Variants in NR5A1 observed in about 807,000 individuals in gnomAD.
NR5A1 encodes the protein steroidogenic factor 1.
Under a neutral mutation model 42.7 loss-of-function variants are expected in NR5A1, and 6 were observed. That is an observed-to-expected ratio of 0.14 (90% CI 0.08 to 0.28). The LOEUF is 0.28. Ranked by LOEUF, NR5A1 falls within the 10% of genes least tolerant of loss-of-function variation. NR5A1 has a pLI of 1.00. For missense variants in NR5A1, 442 were observed against 626.4 expected (o/e 0.71, Z 3.14); for synonymous variants, 274 against 277.5 (o/e 0.99, Z 0.12).
Position 124,503,636 on chromosome 9 carries a change from G to A in NR5A1, c.-15-226C>T, listed in dbSNP as rs1024566109. Among the ~76,000 whole-genome samples, 1 of 152,130 alleles carries A rather than the reference G, an allele frequency of 6.6e-6. No homozygotes were observed. Among genetic ancestry groups the A allele is most frequent in the Non-Finnish European group, 1.5e-5 (1 of 67,998 alleles). On this transcript the variant is annotated intron_variant, in intron 1 of 6. Transcript: ENST00000373588. This position sits in a 1 kb window ranked among gnomAD's most constrained non-coding sequence, Gnocchi z 9.6. The stretch of plus-strand genomic sequence containing the variant: ...CAGGCCCCACGCTCCCGCCCCGTCC[G>A]GGGGGCTCCTCCCGCGCGGACCCCG...
intron 6 of NR5A1, among the ~76,000 whole-genome samples, chr9:124,483,740 C>A (rs375434951): frequency 4.6e-5 from 7 of 152,348 alleles, no homozygotes; most frequent in Non-Finnish European, 8.8e-5. Context: ...CAGCACCACG[C>A]CCACAGAGGC....
In NR5A1 at chr9:124,482,718, C is replaced by CCCA; in HGVS notation, c.*39_*40insTGG. 1.2e-6 allele frequency: 1 copy of CCCA among 855,294 alleles called. No individual in the cohort carries two copies. Among genetic ancestry groups the CCCA allele is most frequent in the Non-Finnish European group, 1.8e-6 (1 of 551,348 alleles). The allele number at this position is 855,294 out of a possible 1,614,324, so 53.0% of individuals were successfully genotyped here. ...TGCGGCCCCGCCCAGGCCCCGCCCCCAGTCCCGCCCCCAGTCCCGGCCCCG... is the reference window on the plus strand; with the variant it reads ...TGCGGCCCCGCCCAGGCCCCGCCCCCCCAAGTCCCGCCCCCAGTCCCGGCCCCG... On this transcript the variant is annotated 3_prime_UTR_variant, in exon 7 of 7. Coordinates refer to ENST00000373588, the MANE Select transcript of NR5A1 (RefSeq NM_004959.5).
At chr9:124,484,215 A>G (rs1338169416) in intron 6 of NR5A1, among the ~76,000 whole-genome samples, 2 of 152,128 alleles carry the variant, frequency 1.3e-5, no homozygotes, top group Non-Finnish European at 1.5e-5. Context: ...CAACTTCTAC[A>G]CCACCGTAAA....
At chr9:124,483,857 G>A (rs1832167539) in intron 6 of NR5A1, among the ~76,000 whole-genome samples, 1 of 152,188 alleles carries the variant, frequency 6.6e-6, no homozygotes, top group South Asian at 2.1e-4. Flanking sequence ...ATGACCAACA[G>A]ACAGGCTCCA....
chr9:124,502,266 TGCCGTTAA>T (rs1229862597), intron 3 of NR5A1, among the ~76,000 whole-genome samples: 1 of 152,180 alleles, frequency 6.6e-6, no homozygotes, highest in Non-Finnish European at 1.5e-5. Context: ...AGGAAGGCGC[TGCCGTTAA>T]GCCCATTTTT....
chr9:124,486,999 C>T (rs1832220737), intron 6 of NR5A1, among the ~76,000 whole-genome samples: 1 of 152,250 alleles, frequency 6.6e-6, no homozygotes, highest in South Asian at 2.1e-4. Context: ...CATCTGCATG[C>T]CCAGCTCTGG....
intron 6 of NR5A1, among the ~76,000 whole-genome samples, chr9:124,486,158 A>G (rs772002241): frequency 4.6e-5 from 7 of 152,090 alleles, no homozygotes; most frequent in Non-Finnish European, 8.8e-5. Context: ...CCCCACCCCC[A>G]GCAGTTCTAT....
chr9:124,500,105 G>A lies in NR5A1; in HGVS notation c.855C>T (p.Val285=). The A allele has an allele frequency of 1.2e-6, 2 of 1,613,114 alleles. No individual in the cohort carries two copies. The highest frequency in any genetic ancestry group is 1.7e-6 in the Non-Finnish European group (2 of 1,180,034). The change falls in exon 4 of 7, where the codon GTC becomes GTT. Residue 285 remains valine, a synonymous_variant. Coordinates refer to ENST00000373588, the MANE Select transcript of NR5A1 (RefSeq NM_004959.5). The surrounding 1 kb of genome is among the most constrained non-coding windows in gnomAD (Gnocchi z 6.9). ...SIVDWARRCM[V]FKELEVADQM... The stretch of plus-strand genomic sequence containing the variant: ...AGAGACTCACCTCCAGCTCCTTGAA[G>A]ACCATGCACCTGCGTGCCCAGTCCA...
rs1832140719 is a variant in NR5A1 at position 124,482,456 on chromosome 9, AGGAG to A, written c.*298_*301del. 2.3e-6 allele frequency: 1 copy of A among 436,190 alleles called. No individual in the cohort carries two copies. The highest frequency in any genetic ancestry group is 2.1e-5 in the South Asian group (1 of 48,440). 27.0% of individuals were successfully genotyped at this position (436,190 alleles called of 1,614,324 possible). On this transcript the variant is annotated 3_prime_UTR_variant, in exon 7 of 7. Transcript: ENST00000373588. Reference sequence around the variant, plus strand: ...CCCGGACCTGCAGGCTTCAGACTCCAGGAGAGAGAGCTGGGAGCAGGGAGGGGGC... The same window carrying A: ...CCCGGACCTGCAGGCTTCAGACTCCAAGAGAGCTGGGAGCAGGGAGGGGGC...
intron 6 of NR5A1, among the ~76,000 whole-genome samples, chr9:124,484,326 A>G (rs536780162): frequency 1.4e-4 from 21 of 152,220 alleles, no homozygotes; most frequent in Non-Finnish European, 2.1e-4. Flanking sequence ...CACCCCAAGG[A>G]GTCGTGTGCA....
rs1485722183 is a variant in NR5A1 at position 124,498,848 on chromosome 9, G to C, written c.870+1242C>G. ...GCCGTAGCCACCACCATCAATCCTC[G>C]ACTCCCAGATGGCCCAGGCCCCAGT... On this transcript the variant is annotated intron_variant, in intron 4 of 6. Transcript: ENST00000373588. The surrounding 1 kb of genome is among the most constrained non-coding windows in gnomAD (Gnocchi z 4.6). Among the ~76,000 whole-genome samples the C allele has an allele frequency of 6.6e-6, 1 of 152,154 alleles. No individual in the cohort carries two copies. Among genetic ancestry groups the C allele is most frequent in the Admixed American group, 6.5e-5 (1 of 15,282 alleles).
At chr9:124,489,121 T>C (rs1387003617) in intron 6 of NR5A1, among the ~76,000 whole-genome samples, 2 of 152,228 alleles carry the variant, frequency 1.3e-5, no homozygotes, top group Non-Finnish European at 2.9e-5. Context: ...CCGCCAGAGC[T>C]ATGCACAGGG....
chr9:124,482,433 C>G lies in NR5A1; in HGVS notation c.*325G>C, dbSNP rs893191829. The G allele has an allele frequency of 5.8e-5, 23 of 399,600 alleles. No individual in the cohort carries two copies. Among genetic ancestry groups the G allele is most frequent in the Admixed American group, 3.7e-4 (10 of 27,336 alleles). 24.8% of individuals were successfully genotyped at this position (399,600 alleles called of 1,614,324 possible). A position where few individuals can be genotyped will look rare whatever the true frequency, so the allele number is the denominator to read the frequency against. On this transcript the variant is annotated 3_prime_UTR_variant, in exon 7 of 7. Coordinates refer to ENST00000373588, the MANE Select transcript of NR5A1 (RefSeq NM_004959.5). ...ACCAGGGAATCCCGAACCTCCTCCC[C>G]GGACCTGCAGGCTTCAGACTCCAGG...
chr9:124,499,203 T>G (rs990668503), intron 4 of NR5A1, among the ~76,000 whole-genome samples: 3 of 152,170 alleles, frequency 2.0e-5, no homozygotes, highest in African/African-American at 7.2e-5. Context: ...GCCAGGGCAC[T>G]GGAGGGGCAG....
intron 6 of NR5A1, among the ~76,000 whole-genome samples, chr9:124,485,771 G>A (rs1444178349): frequency 6.6e-6 from 1 of 152,204 alleles, no homozygotes; most frequent in African/African-American, 2.4e-5. Context: ...GGCTGCCCCA[G>A]ACATATTCAA....
At chr9:124,490,742 A>G (rs1832294987) in intron 6 of NR5A1, among the ~76,000 whole-genome samples, 1 of 152,146 alleles carries the variant, frequency 6.6e-6, no homozygotes, top group Admixed American at 6.5e-5. Context: ...GCACGTGTGC[A>G]TGAGCAAAGG....
At chr9:124,491,039 C>CCCCAGGGGGT in intron 6 of NR5A1, 42 bp downstream of exon 6, 1 of 1,496,960 alleles carries the variant, frequency 6.7e-7, no homozygotes, top group Non-Finnish European at 9.0e-7. Flanking sequence ...ACCCACCCGC[C>CCCCAGGGGGT]TCTGGCTGTC....
chr9:124,493,169 G>C lies in NR5A1; in HGVS notation c.871-20C>G, dbSNP rs2297605. On this transcript the variant is annotated intron_variant, in intron 4 of 6. Transcript: ENST00000373588. ...GGCCACCTGGAAGGAAGAGGCACGCGGGGGGCCGGGCTCCAGCCAGGGTCC... is the reference window on the plus strand; with the variant it reads ...GGCCACCTGGAAGGAAGAGGCACGCCGGGGGCCGGGCTCCAGCCAGGGTCC... The C allele has an allele frequency of 1.3e-5, 21 of 1,605,466 alleles. No individual in the cohort carries two copies. The highest frequency in any genetic ancestry group is 7.7e-5 in the South Asian group (7 of 90,656).
Position 124,482,704 on chromosome 9 carries a change from C to G in NR5A1, c.*54G>C, listed in dbSNP as rs1588613582. 1.6e-6 allele frequency: 1 copy of G among 632,378 alleles called. No individual in the cohort carries two copies. The highest frequency in any genetic ancestry group is 3.6e-5 in the East Asian group (1 of 27,576). 39.2% of individuals were successfully genotyped at this position (632,378 alleles called of 1,614,324 possible). ...GCCAGCGGTGTGGCTGCGGCCCCGC[C>G]CAGGCCCCGCCCCCAGTCCCGCCCC... is the stretch of plus-strand genomic sequence containing the variant. On this transcript the variant is annotated 3_prime_UTR_variant, in exon 7 of 7. Transcript: ENST00000373588.
Sources: gnomAD v4.1 joint callset for allele counts (sites outside exome capture counted in the v4.1 genomes callset) on GRCh38, gnomAD v4.1.1 for gene constraint, Gnocchi (gnomAD v3.1) non-coding constraint, MANE v1.5 for transcripts, NCBI Gene and HGNC (gene_info 2026-07-23, HGNC 2026-07-21) for gene names.